CSMD3: variants seen among roughly 807,000 people sequenced by gnomAD.
CSMD3 encodes CUB and Sushi multiple domains 3, also known as CUB and sushi domain-containing protein 3.
A neutral mutation model predicts 435.2 loss-of-function variants in CSMD3; 177 were observed. That is an observed-to-expected ratio of 0.41 (90% confidence interval 0.36 to 0.46). The LOEUF is 0.46. CSMD3 is among the 20% of genes least tolerant of loss of function. CSMD3 has a pLI of 0.34. For synonymous variants in CSMD3, 1,656 were observed against 1,520.5 expected (o/e 1.09, Z -2.07); for missense variants, 4,265 against 4,504.6 (o/e 0.95, Z 1.52).
chr8:113,375,379 T>A (rs1457596546), intron 1 of CSMD3, among the ~76,000 whole-genome samples: 1 of 152,204 alleles, frequency 6.6e-6, no homozygotes, highest in Admixed American at 6.5e-5. Context: ...ATATGTCTAA[T>A]AAGTAAAATT....
intron 3 of CSMD3, among the ~76,000 whole-genome samples, chr8:113,248,464 G>A (rs1370540785): frequency 4.1e-4 from 1 of 2,452 alleles, no homozygotes; most frequent in Non-Finnish European, 7.5e-3. Flanking sequence ...ATATGTGTGT[G>A]TGTGATATAT....
At chr8:113,189,219 T>A (rs1187754342) in intron 3 of CSMD3, among the ~76,000 whole-genome samples, 1 of 151,850 alleles carries the variant, frequency 6.6e-6, no homozygotes, top group African/African-American at 2.4e-5. Flanking sequence ...TGGTTGTAGT[T>A]CATGATACAA....
intron 18 of CSMD3, among the ~76,000 whole-genome samples, chr8:112,654,438 C>T (rs1003400397): frequency 3.9e-5 from 6 of 152,162 alleles, no homozygotes; most frequent in African/African-American, 1.4e-4. Context: ...AAAGTTATTT[C>T]ATCTTGTTAG....
At chr8:112,397,109 T>C (rs532343918) in intron 35 of CSMD3, among the ~76,000 whole-genome samples, 1 of 152,204 alleles carries the variant, frequency 6.6e-6, no homozygotes, top group Non-Finnish European at 1.5e-5. Flanking sequence ...ATCTTAAAAA[T>C]ATTTTAAGAC....
At position 113,034,971 on chromosome 8, in the gene CSMD3, T is replaced by A. The variant is rs1014912234; in HGVS notation, c.918-15792A>T. On this transcript the variant is annotated intron_variant, in intron 5 of 70. Coordinates refer to ENST00000297405, the MANE Select transcript of CSMD3 (RefSeq NM_198123.2). ...ACAAGTCTACAACTACAGTTAGAGA[T>A]TTTAACAATCAACAACCAGAACATT... is the stretch of plus-strand genomic sequence containing the variant. 5.3e-5 allele frequency among the ~76,000 whole-genome samples: 8 copies of A among 152,010 alleles called. No homozygotes were observed. The South Asian group carries it at 1.7e-3, about 32-fold the overall frequency.
intron 27 of CSMD3, among the ~76,000 whole-genome samples, chr8:112,522,572 G>A (rs1455190894): frequency 1.3e-5 from 2 of 151,864 alleles, no homozygotes; most frequent in Non-Finnish European, 2.9e-5. Context: ...ATGAATGAAT[G>A]AATGAATAAA....
intron 4 of CSMD3, among the ~76,000 whole-genome samples, chr8:113,150,565 C>T (rs2091782716): frequency 6.6e-6 from 1 of 151,966 alleles, no homozygotes; most frequent in Non-Finnish European, 1.5e-5. Flanking sequence ...CCAGCTAACC[C>T]ATGCGCATAT....
intron 18 of CSMD3, among the ~76,000 whole-genome samples, chr8:112,651,633 G>T (rs1180966012): frequency 6.6e-6 from 1 of 151,730 alleles, no homozygotes; most frequent in African/African-American, 2.4e-5. Flanking sequence ...CACCTGCCGG[G>T]TTCAAGCAAT....
At chr8:113,279,610 C>T (rs2093597779) in intron 2 of CSMD3, among the ~76,000 whole-genome samples, 1 of 151,458 alleles carries the variant, frequency 6.6e-6, no homozygotes, top group Admixed American at 6.6e-5. Context: ...CATGTAGTGG[C>T]ATGTTGTGTA....
intron 64 of CSMD3, among the ~76,000 whole-genome samples, chr8:112,246,268 G>A (rs1814715376): frequency 6.6e-6 from 1 of 152,044 alleles, no homozygotes; most frequent in African/African-American, 2.4e-5. Context: ...AAATTCACAG[G>A]GCTTGTGTAT....
At chr8:112,310,835 T>A in intron 50 of CSMD3, 143 bp downstream of exon 50, 2 of 733,052 alleles carry the variant, frequency 2.7e-6, no homozygotes, top group South Asian at 3.0e-5. Flanking sequence ...TTCTGCAATG[T>A]TATGCCTTGT....
intron 10 of CSMD3, among the ~76,000 whole-genome samples, chr8:112,903,558 A>T (rs988561321): frequency 4.0e-5 from 6 of 151,148 alleles, no homozygotes; most frequent in African/African-American, 1.2e-4. Flanking sequence ...GGAAGGGAGA[A>T]ATGTTAATAA....
At chr8:112,355,567 C>T (rs1414756518) in intron 38 of CSMD3, among the ~76,000 whole-genome samples, 1 of 152,204 alleles carries the variant, frequency 6.6e-6, no homozygotes, top group African/African-American at 2.4e-5. Context: ...TGCGTGGTGG[C>T]TCATGCCTGT....
At chr8:113,024,653 G>A (rs2086806971) in intron 5 of CSMD3, among the ~76,000 whole-genome samples, 2 of 152,254 alleles carry the variant, frequency 1.3e-5, no homozygotes, top group Middle Eastern at 6.8e-3. Context: ...TCTGACTAAA[G>A]TGAAGTGATA....
rs530847006 is a variant in CSMD3 at position 113,236,953 on chromosome 8, ATATACTTGCACC to A, written c.514+41627_514+41638del. Among the ~76,000 whole-genome samples the A allele has an allele frequency of 6.6e-5, 10 of 152,240 alleles. No individual in the cohort carries two copies. In the South Asian group the frequency reaches 2.1e-3, roughly 32 times the overall value. On this transcript the variant is annotated intron_variant, in intron 3 of 70. Coordinates refer to ENST00000297405, the MANE Select transcript of CSMD3 (RefSeq NM_198123.2). ...GAGAACCCAGTGTGGCTGAACCAGA[ATATACTTGCACC>A]TCCTAAGATTCTTTGTTCATCAGGT...
At chr8:113,002,876 G>C (rs985546004) in intron 6 of CSMD3, among the ~76,000 whole-genome samples, 4 of 151,988 alleles carry the variant, frequency 2.6e-5, no homozygotes, top group Admixed American at 6.6e-5. Context: ...ATAAATATAT[G>C]AGTTTATAAA....
chr8:112,665,722 A>G (rs940464251), intron 17 of CSMD3, among the ~76,000 whole-genome samples: 5 of 152,142 alleles, frequency 3.3e-5, no homozygotes, highest in Non-Finnish European at 7.3e-5. Context: ...TTCTTTTAAG[A>G]TTTAAAATAT....
intron 28 of CSMD3, among the ~76,000 whole-genome samples, chr8:112,511,054 G>A (rs1439416884): frequency 6.6e-6 from 1 of 152,136 alleles, no homozygotes; most frequent in African/African-American, 2.4e-5. Flanking sequence ...GCATACGTTA[G>A]GGATATTGCA....
At chr8:112,580,259 T>C (rs1473294648) in intron 23 of CSMD3, among the ~76,000 whole-genome samples, 2 of 151,762 alleles carry the variant, frequency 1.3e-5, no homozygotes, top group Admixed American at 1.3e-4. Context: ...CAAGTAAGGG[T>C]GAGGGAAGAA....
Sources: gnomAD v4.1 joint callset for allele counts (sites outside exome capture counted in the v4.1 genomes callset) on GRCh38, gnomAD v4.1.1 for gene constraint, MANE v1.5 for transcripts, NCBI Gene and HGNC (gene_info 2026-07-23, HGNC 2026-07-21) for gene names.